MPP7: variants seen among roughly 807,000 people sequenced by gnomAD.
The protein encoded by MPP7 is MAGUK p55 subfamily member 7.
In MPP7, 60 loss-of-function variants were observed where a neutral mutation model predicts 76.5. That is an observed-to-expected ratio of 0.78 (90% CI 0.64 to 0.97). MPP7 has a LOEUF of 0.97. Among genes scored for constraint, MPP7 ranks in the 50% least tolerant of loss-of-function variants. The pLI, the probability that MPP7 is intolerant of heterozygous loss-of-function variation, is 0.00. For missense variants in MPP7, 641 were observed against 694.0 expected (o/e 0.92, Z 0.86); for synonymous variants, 237 against 244.5 (o/e 0.97, Z 0.29).
At chr10:28,242,124 C>A (rs1418757) in intron 1 of MPP7, among the ~76,000 whole-genome samples, 42,096 of 151,960 alleles carry the variant, frequency 0.28, 6,536 homozygotes, top group East Asian at 0.54. Context: ...AAACCAAGTA[C>A]TTTTCAAATA....
At chr10:28,205,023 G>C (rs1837905857) in intron 2 of MPP7, among the ~76,000 whole-genome samples, 1 of 152,172 alleles carries the variant, frequency 6.6e-6, no homozygotes, top group Non-Finnish European at 1.5e-5. Context: ...TCATAAACCA[G>C]AGTTCTCTGG....
chr10:28,265,379 C>T (rs978952433), intron 1 of MPP7, among the ~76,000 whole-genome samples: 9 of 152,118 alleles, frequency 5.9e-5, no homozygotes, highest in East Asian at 1.9e-4. Flanking sequence ...GGGAACTTGG[C>T]GAAACCCCAT....
At chr10:28,178,462 A>G (rs1004626245) in intron 3 of MPP7, among the ~76,000 whole-genome samples, 27 of 152,032 alleles carry the variant, frequency 1.8e-4, no homozygotes, top group Admixed American at 1.5e-3. Flanking sequence ...GGAAAAAAAA[A>G]GTCCCAGAGT....
At chr10:28,328,947 T>C (rs2133191102) in intron 2 of MPP7, among the ~76,000 whole-genome samples, 1 of 152,358 alleles carries the variant, frequency 6.6e-6, no homozygotes, top group East Asian at 1.9e-4. Flanking sequence ...TTTACCATTG[T>C]TGTATATTGT....
At chr10:28,220,385 G>T (rs542674793) in intron 2 of MPP7, among the ~76,000 whole-genome samples, 1 of 151,936 alleles carries the variant, frequency 6.6e-6, no homozygotes, top group Non-Finnish European at 1.5e-5. Context: ...TCCAAAAATC[G>T]ATTACATTTA....
chr10:28,066,833 G>T (rs571162894), intron 13 of MPP7, among the ~76,000 whole-genome samples: 1 of 152,238 alleles, frequency 6.6e-6, no homozygotes, highest in East Asian at 1.9e-4. Context: ...TCTTATTGTT[G>T]CATGTAGTTG....
Position 28,149,995 on chromosome 10 carries a change from GC to G in MPP7, c.220del (p.Ala74ProfsTer15), listed in dbSNP as rs781633871. 3 of 1,613,150 alleles carry G rather than the reference GC, an allele frequency of 1.9e-6. No individual in the cohort carries two copies. Among genetic ancestry groups the G allele is most frequent in the Admixed American group, 3.3e-5 (2 of 59,948 alleles). On this transcript the variant is annotated frameshift_variant, in exon 4 of 17. Transcript: ENST00000683449. LOFTEE classifies it high-confidence loss of function. ...AGTCACACTTACATCATCGGCCAAGGCCGCCGCACCATGGAGAATGGGCACC... is the reference window on the plus strand; with the variant it reads ...AGTCACACTTACATCATCGGCCAAGGCGCCGCACCATGGAGAATGGGCACC... ...SPVPILHGAA[A>X]LADDLAEELQ...
chr10:28,318,534 A>C (rs1208180847), intron 2 of MPP7, among the ~76,000 whole-genome samples: 1 of 152,024 alleles, frequency 6.6e-6, no homozygotes, highest in Non-Finnish European at 1.5e-5. Context: ...AAACTATAAA[A>C]ATTAGCTGGA....
chr10:28,135,173 G>A (rs1481485340), intron 5 of MPP7, among the ~76,000 whole-genome samples: 5 of 152,066 alleles, frequency 3.3e-5, no homozygotes, highest in African/African-American at 1.2e-4. Flanking sequence ...AGAAACACAG[G>A]CAAAACTCAG....
chr10:28,109,734 T>C (rs1197095133), intron 11 of MPP7, among the ~76,000 whole-genome samples: 1 of 151,352 alleles, frequency 6.6e-6, no homozygotes, highest in Admixed American at 6.6e-5. Flanking sequence ...TGCTCACCTA[T>C]ATAGGTTCCA....
chr10:28,078,944 C>T (rs1279370887), intron 12 of MPP7, among the ~76,000 whole-genome samples: 1 of 152,100 alleles, frequency 6.6e-6, no homozygotes, highest in African/African-American at 2.4e-5. Context: ...TCACTGTTAA[C>T]TACATGCAAA....
intron 1 of MPP7, among the ~76,000 whole-genome samples, chr10:28,278,544 C>T (rs1048039922): frequency 6.6e-6 from 1 of 151,518 alleles, no homozygotes; most frequent in Non-Finnish European, 1.5e-5. Flanking sequence ...GTCATCTGGT[C>T]TCTATATCAT....
chr10:28,291,406 G>A (rs1321477406), intron 1 of MPP7, among the ~76,000 whole-genome samples: 2 of 152,138 alleles, frequency 1.3e-5, no homozygotes, highest in African/African-American at 4.8e-5. Context: ...AGGAGATTAA[G>A]ACCAGCCTGG....
At chr10:28,220,975 G>C (rs1165666423) in intron 2 of MPP7, among the ~76,000 whole-genome samples, 3 of 152,224 alleles carry the variant, frequency 2.0e-5, no homozygotes, top group Admixed American at 6.5e-5. Flanking sequence ...TCTTAGCAGA[G>C]TTCAAGGGAT....
chr10:28,247,059 A>G (rs1839460194), intron 1 of MPP7, among the ~76,000 whole-genome samples: 1 of 152,214 alleles, frequency 6.6e-6, no homozygotes, highest in Admixed American at 6.5e-5. Flanking sequence ...TATACTGCTC[A>G]TTTACAAATA....
At chr10:28,248,647 T>G (rs1247054070) in intron 1 of MPP7, among the ~76,000 whole-genome samples, 1 of 152,236 alleles carries the variant, frequency 6.6e-6, no homozygotes, top group Admixed American at 6.5e-5. Flanking sequence ...CAGGGCATAA[T>G]GATGTTTCTG....
At chr10:28,153,822 T>C (rs1249651579) in intron 3 of MPP7, among the ~76,000 whole-genome samples, 1 of 152,206 alleles carries the variant, frequency 6.6e-6, no homozygotes, top group East Asian at 1.9e-4. Flanking sequence ...TTACATTAAG[T>C]AAACTAAAGC....
intron 3 of MPP7, among the ~76,000 whole-genome samples, chr10:28,186,795 C>G (rs2985526): frequency 0.5 from 75,851 of 152,082 alleles, 21,275 homozygotes; most frequent in Middle Eastern, 0.72. Flanking sequence ...CTTAGTAGAG[C>G]AATTTGGTTA....
chr10:28,152,081 C>T (rs1835901358), intron 3 of MPP7, among the ~76,000 whole-genome samples: 1 of 152,112 alleles, frequency 6.6e-6, no homozygotes, highest in South Asian at 2.1e-4. Context: ...TCTATGAATA[C>T]TCTAATTATA....
Sources: allele counts gnomAD v4.1 joint callset (sites outside exome capture counted in the v4.1 genomes callset), GRCh38; gene constraint gnomAD v4.1.1; transcripts MANE v1.5; gene names NCBI Gene and HGNC (gene_info 2026-07-23, HGNC 2026-07-21).